ADGRG7: variants seen among roughly 807,000 people sequenced by gnomAD.
ADGRG7 encodes the protein G-protein coupled receptor 128.
A neutral mutation model predicts 88.6 loss-of-function variants in ADGRG7; 82 were observed. The observed-to-expected ratio is 0.93, with a 90% CI of 0.77 to 1.11. ADGRG7 has a LOEUF of 1.11. Among genes scored for constraint, ADGRG7 ranks in the 50% most tolerant of loss-of-function variants. The pLI, the probability that ADGRG7 is intolerant of heterozygous loss-of-function variation, is 0.00. For synonymous variants in ADGRG7, 381 were observed against 345.2 expected (o/e 1.10, Z -1.15); for missense variants, 945 against 953.4 (o/e 0.99, Z 0.12).
At chr3:100,638,524 A>G (rs1248315131) in intron 6 of ADGRG7, among the ~76,000 whole-genome samples, 1 of 152,146 alleles carries the variant, frequency 6.6e-6, no homozygotes, top group Non-Finnish European at 1.5e-5. Flanking sequence ...GTAGTTTTGG[A>G]AAAGGCAACA....
rs556399493 is a variant in ADGRG7, at chr3:100,639,249, TG to T, written c.698+1849del. Among the ~76,000 whole-genome samples the T allele has an allele frequency of 3.4e-3, 521 of 152,310 alleles. 4 individuals are homozygous for T. The highest frequency in any genetic ancestry group is 0.012 in the African/African-American group (506 of 41,560). On this transcript the variant is annotated intron_variant, in intron 6 of 15. Transcript: ENST00000273352. ...CTCAGCAACTGGACATTTACATTGCTGGAAGTCTTTTAATGTTCTAAGTAAT... is the reference window on the plus strand; with the variant it reads ...CTCAGCAACTGGACATTTACATTGCTGAAGTCTTTTAATGTTCTAAGTAAT...
In ADGRG7 at chr3:100,679,736, G is replaced by C. The variant is rs114562816; in HGVS notation, c.2136+10631G>C. On this transcript the variant is annotated intron_variant, in intron 15 of 15. Transcript: ENST00000273352. ...GAGTAGGAGAGATTTTTGTCAAGTA[G>C]CTGGATTGGGACACATCTTCTTTCC... Among the ~76,000 whole-genome samples the C allele has an allele frequency of 7.0e-3, 1,069 of 152,278 alleles. 16 individuals are homozygous for C. Among genetic ancestry groups the C allele is most frequent in the African/African-American group, 0.024 (1,015 of 41,540 alleles).
intron 15 of ADGRG7, among the ~76,000 whole-genome samples, chr3:100,678,424 G>A (rs944051055): frequency 1.3e-5 from 2 of 152,024 alleles, no homozygotes; most frequent in African/African-American, 4.8e-5. Context: ...CTCTGGGATT[G>A]GTCACTGGTG....
intron 1 of ADGRG7, among the ~76,000 whole-genome samples, chr3:100,613,242 G>C (rs1336282831): frequency 1.3e-5 from 2 of 152,156 alleles, no homozygotes; most frequent in Non-Finnish European, 2.9e-5. Flanking sequence ...GTCAATGAGA[G>C]TTTATTGTTT....
rs116201743 is a variant in ADGRG7, at chr3:100,680,792, A to G, written c.2136+11687A>G. On this transcript the variant is annotated intron_variant, in intron 15 of 15. Coordinates refer to ENST00000273352, the MANE Select transcript of ADGRG7 (RefSeq NM_032787.3). ...ACGTTTATGTATTACATCTGCATAC[A>G]TTACAAAACCTGCTATGCAATGTTC... Among the ~76,000 whole-genome samples, 510 of 152,268 alleles carry G rather than the reference A, an allele frequency of 3.3e-3. 5 individuals carry two copies. Among genetic ancestry groups the G allele is most frequent in the Non-Finnish European group, 5.0e-3 (338 of 67,988 alleles).
intron 10 of ADGRG7, among the ~76,000 whole-genome samples, chr3:100,647,599 C>T (rs564062083): frequency 3.3e-5 from 5 of 152,190 alleles, no homozygotes; most frequent in Non-Finnish European, 7.3e-5. Context: ...ATACTTAGCT[C>T]TGGCGTGCAG....
chr3:100,668,864 TA>T, intron 14 of ADGRG7, 84 bp from the exon 15 acceptor site: 2 of 933,840 alleles, frequency 2.1e-6, no homozygotes, highest in Non-Finnish European at 3.2e-6. Context: ...CAGCTGAATA[TA>T]CATTCTAAAT....
rs568322912 is a variant in ADGRG7, at chr3:100,656,004, A to G, written c.1823+9A>G. 3 of 1,550,608 alleles carry G rather than the reference A, an allele frequency of 1.9e-6. No homozygotes were observed. The highest frequency in any genetic ancestry group is 4.5e-5 in the East Asian group (2 of 44,486). Reference sequence around the variant, plus strand: ...TACCGGCAAGAGAAAATGTGAGTTTATATTTTTTTAAATGTCCAATTGTTT... The same window carrying G: ...TACCGGCAAGAGAAAATGTGAGTTTGTATTTTTTTAAATGTCCAATTGTTT... On this transcript the variant is annotated intron_variant, in intron 13 of 15. Coordinates refer to ENST00000273352, the MANE Select transcript of ADGRG7 (RefSeq NM_032787.3).
chr3:100,679,561 C>T (rs9810221), intron 15 of ADGRG7, among the ~76,000 whole-genome samples: 4,975 of 152,282 alleles, frequency 0.033, 275 homozygotes, highest in African/African-American at 0.11. Flanking sequence ...CATCTTGCTC[C>T]ACCTCTCTCC....
intron 15 of ADGRG7, among the ~76,000 whole-genome samples, chr3:100,688,663 C>G (rs1386603607): frequency 6.6e-6 from 1 of 152,174 alleles, no homozygotes; most frequent in African/African-American, 2.4e-5. Flanking sequence ...ACGGGTTGTT[C>G]AGTTTCCATG....
Position 100,640,165 on chromosome 3 carries a change from G to A in ADGRG7, c.698+2763G>A, listed in dbSNP as rs866548308. 3.9e-5 allele frequency among the ~76,000 whole-genome samples: 6 copies of A among 152,262 alleles called. No individual in the cohort carries two copies. The South Asian group carries it at 6.2e-4, about 16-fold the overall frequency. On this transcript the variant is annotated intron_variant, in intron 6 of 15. Coordinates refer to ENST00000273352, the MANE Select transcript of ADGRG7 (RefSeq NM_032787.3). ...TACTCTTGATGAGCTTCCAACAGAG[G>A]TCATCTCTCCACGAGAAGGAAATTA... is the stretch of plus-strand genomic sequence containing the variant.
At chr3:100,638,646 TC>T (rs1448577659) in intron 6 of ADGRG7, among the ~76,000 whole-genome samples, 2 of 152,100 alleles carry the variant, frequency 1.3e-5, no homozygotes. Context: ...CCTGAAGGTT[TC>T]CCCCTGGGAT....
chr3:100,640,682 C>A (rs1043681506), intron 6 of ADGRG7, among the ~76,000 whole-genome samples: 1 of 152,080 alleles, frequency 6.6e-6, no homozygotes, highest in Non-Finnish European at 1.5e-5. Context: ...CAACCCTGCC[C>A]AGCTAATTTT....
At chr3:100,632,057 T>C (rs900547058) in intron 3 of ADGRG7, among the ~76,000 whole-genome samples, 7 of 152,112 alleles carry the variant, frequency 4.6e-5, no homozygotes, top group African/African-American at 1.7e-4. Context: ...TTGGTAACTA[T>C]TGTCTTGATT....
At chr3:100,669,665 A>G (rs1268690206) in intron 15 of ADGRG7, among the ~76,000 whole-genome samples, 1 of 152,008 alleles carries the variant, frequency 6.6e-6, no homozygotes, top group Non-Finnish European at 1.5e-5. Flanking sequence ...TGGGGTACCC[A>G]TATCCTCAAG....
chr3:100,617,868 C>T (rs1707247639), intron 1 of ADGRG7, among the ~76,000 whole-genome samples: 1 of 152,158 alleles, frequency 6.6e-6, no homozygotes, highest in Non-Finnish European at 1.5e-5. Flanking sequence ...ACATCCTCTC[C>T]AGCACCTGTT....
intron 1 of ADGRG7, among the ~76,000 whole-genome samples, chr3:100,621,079 A>G (rs1159878419): frequency 1.3e-5 from 2 of 152,190 alleles, no homozygotes; most frequent in South Asian, 2.1e-4. Context: ...AAGATGGCAA[A>G]CATAATCAAT....
intron 15 of ADGRG7, among the ~76,000 whole-genome samples, chr3:100,676,820 C>T (rs1484559404): frequency 6.6e-6 from 1 of 151,848 alleles, no homozygotes; most frequent in African/African-American, 2.4e-5. Flanking sequence ...TTGTTATATC[C>T]TCTTGCTGAA....
intron 6 of ADGRG7, among the ~76,000 whole-genome samples, chr3:100,639,651 T>A (rs1386726378): frequency 6.6e-6 from 1 of 152,146 alleles, no homozygotes; most frequent in Non-Finnish European, 1.5e-5. Flanking sequence ...CCTTCAGAGA[T>A]GAAAGCTTTG....
Sources: gnomAD v4.1 joint callset for allele counts (sites outside exome capture counted in the v4.1 genomes callset) on GRCh38, gnomAD v4.1.1 for gene constraint, MANE v1.5 for transcripts, NCBI Gene and HGNC (gene_info 2026-07-23, HGNC 2026-07-21) for gene names.